Variants in ZSCAN4 observed in about 807,000 individuals in gnomAD.
ZSCAN4 encodes the protein zinc finger and SCAN domain containing 4.
Under a neutral mutation model 18.3 loss-of-function variants are expected in ZSCAN4, and 18 were observed. The observed-to-expected ratio is 0.98, with a 90% CI of 0.68 to 1.46. The LOEUF is 1.46. Among genes scored for constraint, ZSCAN4 ranks in the 40% most tolerant of loss-of-function variants. The pLI is 0.00. For missense variants in ZSCAN4, 498 were observed against 511.4 expected, an observed-to-expected ratio of 0.97 and a Z score of 0.25; for synonymous variants, 193 against 180.3, an observed-to-expected ratio of 1.07 and a Z score of -0.57.
the ZSCAN4 span, among the ~76,000 whole-genome samples, chr19:57,657,831 T>C: frequency 6.6e-6 from 1 of 152,194 alleles, no homozygotes; most frequent in African/African-American, 2.4e-5. Context: ...CCTAATACAA[T>C]GCAAATGCTG....
Position 57,678,801 on chromosome 19 carries a change from T to C in ZSCAN4, c.1198T>C (p.Phe400Leu), listed in dbSNP as rs1194074844. 4.3e-6 allele frequency: 7 copies of C among 1,614,048 alleles called. No homozygotes were observed. The African/African-American group carries it at 8.0e-5, about 18-fold the overall frequency. The change falls in exon 5 of 5, where the codon TTT becomes CTT. Residue 400 changes from phenylalanine to leucine, a missense_variant. By Grantham distance (22) the Phe-to-Leu change is conservative. Transcript: ENST00000318203. ...AGGAGAAAAGCCTTATACATGTCCC[T>C]TTTGTAAGACAAGCTACCGCCAGTC...
At chr19:57,663,557 C>T in the ZSCAN4 span, among the ~76,000 whole-genome samples, 1 of 126,350 alleles carries the variant, frequency 7.9e-6, no homozygotes, top group Admixed American at 7.9e-5. Context: ...ATTAGCTGGG[C>T]GTGGTATCAT....
At chr19:57,672,775 G>T (rs1984060962) in intron 2 of ZSCAN4, among the ~76,000 whole-genome samples, 1 of 151,868 alleles carries the variant, frequency 6.6e-6, no homozygotes, top group Admixed American at 6.6e-5. Context: ...ACTCATTTTT[G>T]AATTTTTAAT....
At chr19:57,670,863 T>C (rs559391849) in intron 2 of ZSCAN4, among the ~76,000 whole-genome samples, 1 of 123,952 alleles carries the variant, frequency 8.1e-6, no homozygotes, top group Non-Finnish European at 1.8e-5. Context: ...TATGTTCTAG[T>C]AATTCTTTTT....
chr19:57,657,639 G>A, the ZSCAN4 span, among the ~76,000 whole-genome samples: 3 of 152,162 alleles, frequency 2.0e-5, no homozygotes, highest in African/African-American at 7.2e-5. Context: ...AGATGGAAAC[G>A]TGTCCATAGA....
At chr19:57,675,393 C>G (rs1984153041) in intron 2 of ZSCAN4, among the ~76,000 whole-genome samples, 1 of 152,066 alleles carries the variant, frequency 6.6e-6, no homozygotes, top group Non-Finnish European at 1.5e-5. Context: ...GGTGATCCAC[C>G]TGCCTCAGCC....
intron 2 of ZSCAN4, among the ~76,000 whole-genome samples, chr19:57,674,170 T>C (rs1276901703): frequency 6.6e-6 from 1 of 152,244 alleles, no homozygotes; most frequent in African/African-American, 2.4e-5. Flanking sequence ...TAATATTTGG[T>C]GAATATTTTA....
chr19:57,668,593 G>A (rs1046894621), upstream of ZSCAN4, among the ~76,000 whole-genome samples: 5 of 152,198 alleles, frequency 3.3e-5, no homozygotes, highest in Non-Finnish European at 7.4e-5. Flanking sequence ...CCTTCGATAC[G>A]TTCTCAACTC....
At chr19:57,664,355 G>C (rs932207606), upstream of ZSCAN4, 1 of 153,074 alleles carries the variant, frequency 6.5e-6, no homozygotes, top group Non-Finnish European at 1.5e-5. Flanking sequence ...CGAGGAGCTG[G>C]GGCGCGGCGC....
chr19:57,670,725 G>A (rs1356240253), intron 2 of ZSCAN4, among the ~76,000 whole-genome samples, 158 bp downstream of exon 2: 1 of 152,190 alleles, frequency 6.6e-6, no homozygotes, highest in Admixed American at 6.5e-5. Context: ...AGATATGGGG[G>A]TCTCCCAGGT....
chr19:57,674,654 TATA>T (rs1324569712), intron 2 of ZSCAN4, among the ~76,000 whole-genome samples: 2 of 152,190 alleles, frequency 1.3e-5, no homozygotes, highest in African/African-American at 4.8e-5. Flanking sequence ...TCTTTTTTTA[TATA>T]ATGATTTCTT....
chr19:57,679,028 T>A, exon 5 of ZSCAN4: 1 of 1,206,190 alleles, frequency 8.3e-7, no homozygotes, highest in Non-Finnish European at 1.1e-6. Flanking sequence ...CTTGCTTCAT[T>A]AAAATGTAAG....
At chr19:57,662,185 A>C in the ZSCAN4 span, among the ~76,000 whole-genome samples, 1 of 152,136 alleles carries the variant, frequency 6.6e-6, no homozygotes, top group Middle Eastern at 3.2e-3. Context: ...AAAATTTCTT[A>C]CAGAAGAATT....
chr19:57,670,844 G>A (rs542902205), intron 2 of ZSCAN4, among the ~76,000 whole-genome samples: 6 of 150,710 alleles, frequency 4.0e-5, no homozygotes, highest in East Asian at 3.9e-4. Context: ...AAAGTCTATC[G>A]TATGACTTTA....
At chr19:57,656,530 G>A in the ZSCAN4 span, among the ~76,000 whole-genome samples, 1 of 152,274 alleles carries the variant, frequency 6.6e-6, no homozygotes, top group East Asian at 1.9e-4. Flanking sequence ...AGTCTGCCCA[G>A]TTTGTGGTCA....
upstream of ZSCAN4, among the ~76,000 whole-genome samples, chr19:57,667,894 TTTTG>T (rs1555807311): frequency 7.9e-5 from 3 of 37,866 alleles, no homozygotes; most frequent in African/African-American, 1.6e-4. Context: ...TTTGTTTGTT[TTTTG>T]TTTGTTTGTT....
chr19:57,652,155 T>C, the ZSCAN4 span, among the ~76,000 whole-genome samples: 1 of 152,036 alleles, frequency 6.6e-6, no homozygotes, highest in South Asian at 2.1e-4. Context: ...GCAGGGCTCC[T>C]AAAAACCCCC....
intron 2 of ZSCAN4, among the ~76,000 whole-genome samples, chr19:57,673,394 C>G (rs117439259): frequency 0.029 from 4,344 of 152,192 alleles, 82 homozygotes; most frequent in Middle Eastern, 0.058. Flanking sequence ...CCCAGAAAGG[C>G]TAGAGTGAGG....
the ZSCAN4 span, among the ~76,000 whole-genome samples, chr19:57,656,288 C>A: frequency 6.6e-6 from 1 of 152,164 alleles, no homozygotes; most frequent in Non-Finnish European, 1.5e-5. Flanking sequence ...TGTCCATTTT[C>A]CCAGCAGACA....
Sources: gnomAD v4.1 joint callset for allele counts (sites outside exome capture counted in the v4.1 genomes callset) on GRCh38, gnomAD v4.1.1 for gene constraint, MANE v1.5 for transcripts, NCBI Gene and HGNC (gene_info 2026-07-23, HGNC 2026-07-21) for gene names.